Variants in P2RY10 observed in about 807,000 individuals in gnomAD.
The protein encoded by P2RY10 is putative P2Y purinoceptor 10.
Under a neutral mutation model 12.1 loss-of-function variants are expected in P2RY10, and 4 were observed. That is an observed-to-expected ratio of 0.33 (90% confidence interval 0.16 to 0.76). The LOEUF (loss-of-function observed/expected upper bound fraction) is 0.76, where lower values mean the gene tolerates loss of function less well. P2RY10 is among the 30% of genes least tolerant of loss of function. P2RY10 has a pLI of 0.61. For missense variants in P2RY10, 233 were observed against 264.6 expected (o/e 0.88, Z 0.83); for synonymous variants, 112 against 94.1 (o/e 1.19, Z -1.10).
chrX:78,956,825 A>G (rs773364623), intron 3 of P2RY10, among the ~76,000 whole-genome samples: 35 of 111,712 alleles, frequency 3.1e-4, no homozygotes, highest in Non-Finnish European at 5.5e-4. Context: ...GACTCCTGTG[A>G]GGATGGATGA....
intron 3 of P2RY10, among the ~76,000 whole-genome samples, chrX:78,957,990 A>C (rs1318485704): frequency 2.7e-5 from 3 of 112,238 alleles, no homozygotes; most frequent in Non-Finnish European, 5.6e-5. Context: ...AACAATTCTT[A>C]GTTATTGAAA....
chrX:78,961,097 G>C lies in P2RY10; in HGVS notation c.577G>C (p.Val193Leu), dbSNP rs1441663345. The change falls in exon 4 of 4, where the codon GTT becomes CTT. Residue 193 changes from valine (V) to leucine (L), a missense_variant. Val to Leu is a conservative substitution (Grantham distance 32, BLOSUM62 1). Coordinates refer to ENST00000171757, the MANE Select transcript of P2RY10 (RefSeq NM_014499.4). ...TCTTGGATACAAGCAAATGAATGCAGTTGCGTTGGTCGGGATGATTACAGT... is the reference window on the plus strand; with the variant it reads ...TCTTGGATACAAGCAAATGAATGCACTTGCGTTGGTCGGGATGATTACAGT... Reference protein sequence around the residue: ...ADLGYKQMNAVALVGMITVAE... With the variant: ...ADLGYKQMNALALVGMITVAE... 2 of 1,208,258 alleles carry C rather than the reference G, an allele frequency of 1.7e-6. No homozygotes were observed. The highest frequency in any genetic ancestry group is 5.9e-5 in the East Asian group (2 of 33,741).
chrX:78,958,612 A>T (rs1315737464), intron 3 of P2RY10, among the ~76,000 whole-genome samples: 1 of 112,305 alleles, frequency 8.9e-6, no homozygotes, highest in African/African-American at 3.2e-5. Context: ...ACATCTTAGG[A>T]CAGTTGTGAA....
At chrX:78,952,117 G>A in intron 2 of P2RY10, 76 bp from the exon 3 acceptor site, 8 of 442,197 alleles carry the variant, frequency 1.8e-5, no homozygotes, top group Non-Finnish European at 2.3e-5. Flanking sequence ...TGGCTGTATA[G>A]TATTTAGAGA....
chrX:78,958,444 G>A (rs1331105313), intron 3 of P2RY10, among the ~76,000 whole-genome samples: 2 of 112,134 alleles, frequency 1.8e-5, no homozygotes, highest in Admixed American at 1.9e-4. Flanking sequence ...TCAGGGAGAG[G>A]AAAGTGGCAT....
In P2RY10 at chrX:78,961,357, T is replaced by G. The variant is rs151283854; in HGVS notation, c.837T>G (p.Val279=). The part of the protein sequence containing the change: ...VKETIISSCP[V]VRIALYFHPF... ...AAACCATCATTAGCAGTTGTCCCGTTGTCCGAATCGCACTGTATTTCCACC... is the reference window on the plus strand; with the variant it reads ...AAACCATCATTAGCAGTTGTCCCGTGGTCCGAATCGCACTGTATTTCCACC... Residue 279 remains valine (V), a synonymous_variant, in exon 4 of 4, where the codon GTT becomes GTG. Coordinates refer to ENST00000171757, the MANE Select transcript of P2RY10 (RefSeq NM_014499.4). 6.8e-5 allele frequency: 82 copies of G among 1,209,670 alleles called. No homozygotes were observed. In the African/African-American group the frequency reaches 9.3e-4, roughly 14 times the overall value.
intron 2 of P2RY10, 108 bp downstream of exon 2, chrX:78,947,971 CTT>C (rs1921925929): frequency 5.6e-6 from 1 of 179,236 alleles, no homozygotes; most frequent in Non-Finnish European, 8.7e-6. Context: ...ATTTCTCAAT[CTT>C]TTAAACCCAA....
Position 78,962,697 on chromosome X carries a change from T to C in P2RY10, c.*1157T>C, listed in dbSNP as rs1922694018. ...TAGAGAATCCTGATGATAAGGAGTA[T>C]AGGAAACTCAAATAGTTCATTATTT... On this transcript the variant is annotated 3_prime_UTR_variant, in exon 4 of 4. Transcript: ENST00000171757. Among the ~76,000 whole-genome samples the C allele has an allele frequency of 9.1e-6, 1 of 110,496 alleles. No individual in the cohort carries two copies. The highest frequency in any genetic ancestry group is 2.8e-4 in the East Asian group (1 of 3,540).
In P2RY10 at chrX:78,953,022, G is replaced by C. The variant is rs2858567; in HGVS notation, c.-14+687G>C. ...GGTAGAGGAAAATAATTTTAGACTG[G>C]AGATCATTAATTTCCATTTGTGCCA... On this transcript the variant is annotated intron_variant, in intron 3 of 3. Coordinates refer to ENST00000171757, the MANE Select transcript of P2RY10 (RefSeq NM_014499.4). Among the ~76,000 whole-genome samples, 6 of 111,891 alleles carry C rather than the reference G, an allele frequency of 5.4e-5. No individual in the cohort carries two copies. The East Asian group carries it at 1.1e-3, about 21-fold the overall frequency.
chrX:78,954,395 A>T (rs1922243059), intron 3 of P2RY10, among the ~76,000 whole-genome samples: 1 of 111,053 alleles, frequency 9.0e-6, no homozygotes. Flanking sequence ...GGTGGGATAG[A>T]ATTATTATTT....
intron 3 of P2RY10, among the ~76,000 whole-genome samples, chrX:78,952,630 A>G (rs1221897651): frequency 8.9e-6 from 1 of 111,742 alleles, no homozygotes; most frequent in Non-Finnish European, 1.9e-5. Flanking sequence ...TCTAGCTGAG[A>G]GTGTAGAAAA....
chrX:78,961,189 A>G lies in P2RY10; in HGVS notation c.669A>G (p.Ile223Met), dbSNP rs1377809260. 1 of 1,207,971 alleles carries G rather than the reference A, an allele frequency of 8.3e-7. No homozygotes were observed. Among genetic ancestry groups the G allele is most frequent in the Non-Finnish European group, 1.1e-6 (1 of 893,483 alleles). ...IIAWCTWKTTISLRQPPMAFQ... is the reference protein window; with the variant it reads ...IIAWCTWKTTMSLRQPPMAFQ... Reference sequence around the variant, plus strand: ...CATGGTGTACCTGGAAAACTACTATATCCTTGAGACAGCCACCAATGGCTT... The same window carrying G: ...CATGGTGTACCTGGAAAACTACTATGTCCTTGAGACAGCCACCAATGGCTT... Residue 223 changes from isoleucine to methionine, a missense_variant, in exon 4 of 4, where the codon ATA (isoleucine) becomes ATG (methionine). By Grantham distance (10) the Ile-to-Met change is conservative. Coordinates refer to ENST00000171757, the MANE Select transcript of P2RY10 (RefSeq NM_014499.4).
chrX:78,955,795 T>A (rs1265969930), intron 3 of P2RY10, among the ~76,000 whole-genome samples: 1 of 111,905 alleles, frequency 8.9e-6, no homozygotes, highest in Admixed American at 9.5e-5. Flanking sequence ...CTTTAAAAGA[T>A]AGGAAGTTTC....
intron 2 of P2RY10, 93 bp downstream of exon 2, chrX:78,947,956 T>C (rs996668819): frequency 9.0e-5 from 19 of 210,932 alleles, no homozygotes; most frequent in Non-Finnish European, 1.2e-4. Context: ...TGACACTCAG[T>C]TGGCATTTCT....
At chrX:78,956,206 G>A (rs1272102267) in intron 3 of P2RY10, among the ~76,000 whole-genome samples, 1 of 111,601 alleles carries the variant, frequency 9.0e-6, no homozygotes, top group African/African-American at 3.3e-5. Flanking sequence ...CATAGGATAT[G>A]TCTGACCACC....
intron 3 of P2RY10, among the ~76,000 whole-genome samples, chrX:78,957,387 C>CACACAGAGAGAG (rs760263078): frequency 1.3e-5 from 1 of 75,811 alleles, no homozygotes; most frequent in Non-Finnish European, 2.7e-5. Flanking sequence ...CACACACACA[C>CACACAGAGAGAG]AGAGAGAGAG....
intron 1 of P2RY10, among the ~76,000 whole-genome samples, chrX:78,946,479 T>C (rs1433436014): frequency 8.9e-6 from 1 of 112,101 alleles, no homozygotes; most frequent in Non-Finnish European, 1.9e-5. Context: ...AGGATAAGGC[T>C]GGATAGAATG....
Position 78,961,584 on chromosome X carries a change from C to A in P2RY10, c.*44C>A, listed in dbSNP as rs1413724893. Reference sequence around the variant, plus strand: ...ATTACGCCTTTGTTTACCTACGTTCCTTGTCTTTTTCCAAAGGCCAGAATT... The same window carrying A: ...ATTACGCCTTTGTTTACCTACGTTCATTGTCTTTTTCCAAAGGCCAGAATT... On this transcript the variant is annotated 3_prime_UTR_variant, in exon 4 of 4. Coordinates refer to ENST00000171757, the MANE Select transcript of P2RY10 (RefSeq NM_014499.4). The A allele has an allele frequency of 9.9e-7, 1 of 1,005,605 alleles. No individual in the cohort carries two copies. The highest frequency in any genetic ancestry group is 1.4e-6 in the Non-Finnish European group (1 of 734,017). 82.9% of individuals were successfully genotyped at this position (1,005,605 alleles called of 1,213,427 possible).
chrX:78,949,509 G>C (rs1184052795), intron 2 of P2RY10, among the ~76,000 whole-genome samples: 1 of 111,732 alleles, frequency 8.9e-6, no homozygotes, highest in African/African-American at 3.3e-5. Context: ...ATGATACCAG[G>C]TCTTCCAAAG....
Sources: gnomAD v4.1 joint callset for allele counts (sites outside exome capture counted in the v4.1 genomes callset) on GRCh38, gnomAD v4.1.1 for gene constraint, MANE v1.5 for transcripts, NCBI Gene and HGNC (gene_info 2026-07-23, HGNC 2026-07-21) for gene names.